NPC1: variants seen among roughly 807,000 people sequenced by gnomAD.
The protein encoded by NPC1 is Niemann-Pick C1 protein.
A neutral mutation model predicts 140.4 loss-of-function variants in NPC1; 85 were observed. The ratio of observed to expected loss-of-function variants is 0.61; its 90% CI spans 0.51 to 0.72. The LOEUF is 0.72. Ranked by LOEUF, NPC1 falls within the 30% of genes least tolerant of loss-of-function variation. NPC1 has a pLI of 0.00. For synonymous variants in NPC1, 656 were observed against 624.8 expected (o/e 1.05, Z -0.74); for missense variants, 1,504 against 1,623.8 (o/e 0.93, Z 1.27).
At chr18:23,520,909 G>A (rs1238026400), downstream of NPC1, among the ~76,000 whole-genome samples, 1 of 152,174 alleles carries the variant, frequency 6.6e-6, no homozygotes, top group Non-Finnish European at 1.5e-5. Flanking sequence ...GTAGAGATGG[G>A]GTTTCACCAT....
downstream of NPC1, chr18:23,530,662 C>T (rs1453777928): frequency 3.9e-6 from 6 of 1,555,042 alleles, no homozygotes; most frequent in South Asian, 7.0e-5. Flanking sequence ...CAAAGAGTAG[C>T]AGAGGGCACT....
At chr18:23,548,884 G>A (rs1312975508) in intron 10 of NPC1, among the ~76,000 whole-genome samples, 1 of 151,944 alleles carries the variant, frequency 6.6e-6, no homozygotes, top group Non-Finnish European at 1.5e-5. Flanking sequence ...TTGACCACCC[G>A]AACTCAATTA....
At chr18:23,539,617 G>A (rs937122964) in intron 18 of NPC1, 147 bp from the exon 19 acceptor site, 10 of 786,806 alleles carry the variant, frequency 1.3e-5, no homozygotes, top group Non-Finnish European at 1.9e-5. Flanking sequence ...AATGAAAAAA[G>A]CCTTCAAAGT....
intron 1 of NPC1, chr18:23,577,036 C>T (rs1157304111): frequency 2.6e-5 from 4 of 152,204 alleles, no homozygotes; most frequent in African/African-American, 7.2e-5. Flanking sequence ...CCTGTTTTGT[C>T]AGGGTGCTGA....
downstream of NPC1, chr18:23,530,723 T>C: frequency 1.0e-6 from 1 of 966,470 alleles, no homozygotes; most frequent in Non-Finnish European, 1.5e-6. Flanking sequence ...AACAACACAA[T>C]TTGATAACAG....
At chr18:23,553,010 G>A (rs1001379673) in intron 9 of NPC1, among the ~76,000 whole-genome samples, 7 of 152,212 alleles carry the variant, frequency 4.6e-5, no homozygotes, top group Non-Finnish European at 2.9e-5. Flanking sequence ...ACCCTCAGGT[G>A]AAAAAGTCCA....
At chr18:23,545,201 G>C (rs2058771904) in intron 11 of NPC1, 52 bp from the exon 12 acceptor site, 3 of 1,312,620 alleles carry the variant, frequency 2.3e-6, no homozygotes, top group African/African-American at 1.5e-5. Flanking sequence ...TGACAGCTAA[G>C]TAAGAAACTT....
At chr18:23,565,367 CTTTT>C (rs887550103) in intron 4 of NPC1, among the ~76,000 whole-genome samples, 2 of 151,862 alleles carry the variant, frequency 1.3e-5, no homozygotes, top group African/African-American at 4.8e-5. Flanking sequence ...TTCTGTTTTT[CTTTT>C]TTTGAGATGG....
At chr18:23,574,445 T>TAA (rs11377814) in intron 1 of NPC1, among the ~76,000 whole-genome samples, 8 of 146,454 alleles carry the variant, frequency 5.5e-5, no homozygotes, top group African/African-American at 1.5e-4. Flanking sequence ...GGGAAAGCCA[T>TAA]AAAAAAAAAA....
intron 4 of NPC1, among the ~76,000 whole-genome samples, chr18:23,561,905 G>C (rs1283053770): frequency 6.6e-6 from 1 of 152,186 alleles, no homozygotes; most frequent in Non-Finnish European, 1.5e-5. Flanking sequence ...GCTGGTTCCA[G>C]AAAACCTCTG....
chr18:23,556,643 G>C (rs369916983), intron 7 of NPC1, 30 bp from the exon 8 acceptor site: 1 of 1,612,582 alleles, frequency 6.2e-7, no homozygotes, highest in South Asian at 1.1e-5. Flanking sequence ...AGGGAAGGTG[G>C]AGGTTAAGAG....
intron 10 of NPC1, among the ~76,000 whole-genome samples, chr18:23,551,315 C>T (rs1017318280): frequency 2.0e-5 from 3 of 152,162 alleles, no homozygotes; most frequent in Non-Finnish European, 2.9e-5. Context: ...AAATGAACTT[C>T]GGAGGCCCAT....
downstream of NPC1, chr18:23,528,582 C>A (rs769923978): frequency 9.1e-5 from 14 of 153,298 alleles, no homozygotes; most frequent in Non-Finnish European, 1.9e-4. Flanking sequence ...AGGTCTGAGA[C>A]AGGCACTGAA....
At chr18:23,542,600 C>T (rs570210255) in intron 14 of NPC1, among the ~76,000 whole-genome samples, 1 of 152,358 alleles carries the variant, frequency 6.6e-6, no homozygotes, top group African/African-American at 2.4e-5. Context: ...GAAAGAAACA[C>T]AGAAGTGCTG....
At position 23,531,673 on chromosome 18, in the gene NPC1, A is replaced by G. The variant is rs1274437802; in HGVS notation, c.*529T>C. ...GCTTTTTTCAAACAGATTTTTGGAG[A>G]CCAAGCTCTAATGAGGCCTACAACA... is the stretch of plus-strand genomic sequence containing the variant. On this transcript the variant is annotated 3_prime_UTR_variant, in exon 25 of 25. Coordinates refer to ENST00000269228, the MANE Select transcript of NPC1 (RefSeq NM_000271.5). The G allele has an allele frequency of 6.2e-7, 1 of 1,613,400 alleles. No individual in the cohort carries two copies. The highest frequency in any genetic ancestry group is 8.5e-7 in the Non-Finnish European group (1 of 1,179,870).
chr18:23,559,871 T>C (rs1178419361), intron 6 of NPC1, among the ~76,000 whole-genome samples: 2 of 152,106 alleles, frequency 1.3e-5, no homozygotes, highest in African/African-American at 4.8e-5. Context: ...TGCAGGGGAA[T>C]TGCTTAAACC....
At chr18:23,582,887 G>C (rs2059373239) in intron 1 of NPC1, among the ~76,000 whole-genome samples, 1 of 151,770 alleles carries the variant, frequency 6.6e-6, no homozygotes, top group Non-Finnish European at 1.5e-5. Flanking sequence ...AAGGTGGGAG[G>C]ATCTCCAGCC....
chr18:23,536,994 G>A, intron 20 of NPC1, 118 bp from the exon 21 acceptor site: 1 of 781,540 alleles, frequency 1.3e-6, no homozygotes, highest in South Asian at 1.5e-5. Flanking sequence ...AGACCCAGCT[G>A]TACATTTCAG....
At chr18:23,529,314 C>G (rs540779479), downstream of NPC1, 4 of 1,602,944 alleles carry the variant, frequency 2.5e-6, no homozygotes, top group African/African-American at 4.0e-5. Context: ...CTGCAGCTTT[C>G]CGCCTCTTCT....
Sources: gnomAD v4.1 joint callset for allele counts (sites outside exome capture counted in the v4.1 genomes callset) on GRCh38, gnomAD v4.1.1 for gene constraint, MANE v1.5 for transcripts, NCBI Gene and HGNC (gene_info 2026-07-23, HGNC 2026-07-21) for gene names.